Variants in PTPRD observed in about 807,000 individuals in gnomAD.
The protein encoded by PTPRD is protein tyrosine phosphatase receptor type D, also known as receptor-type tyrosine-protein phosphatase delta.
A neutral mutation model predicts 214.5 loss-of-function variants in PTPRD; 34 were observed. The observed-to-expected ratio is 0.16, with a 90% CI of 0.12 to 0.21. The LOEUF (loss-of-function observed/expected upper bound fraction) is 0.21. PTPRD is among the 10% of genes least tolerant of loss of function. PTPRD has a pLI of 1.00. For missense variants in PTPRD, 2,545 were observed against 2,398.7 expected, an observed-to-expected ratio of 1.06 and a Z score of -1.27; for synonymous variants, 1,128 against 845.7, an observed-to-expected ratio of 1.33 and a Z score of -5.79.
chr9:8,500,383 T>G (rs368857971), intron 24 of PTPRD, among the ~76,000 whole-genome samples: 2 of 147,596 alleles, frequency 1.4e-5, no homozygotes, highest in Admixed American at 6.7e-5. Context: ...AACAAAAAGG[T>G]AAGAAGGTAG....
intron 4 of PTPRD, among the ~76,000 whole-genome samples, chr9:9,946,458 T>C (rs926596330): frequency 6.6e-6 from 1 of 152,130 alleles, no homozygotes; most frequent in Non-Finnish European, 1.5e-5. Context: ...CTCTTCAAAG[T>C]AGCTGCAAAA....
chr9:9,768,900 A>C (rs1465932317), intron 5 of PTPRD, among the ~76,000 whole-genome samples: 1 of 152,218 alleles, frequency 6.6e-6, no homozygotes, highest in Non-Finnish European at 1.5e-5. Flanking sequence ...AGTTTGTAAC[A>C]TGCACATCTC....
At chr9:8,623,062 G>T (rs1211772400) in intron 14 of PTPRD, among the ~76,000 whole-genome samples, 2 of 151,870 alleles carry the variant, frequency 1.3e-5, no homozygotes, top group Non-Finnish European at 2.9e-5. Context: ...CAGGTGGGAA[G>T]ATCCCTTGAA....
intron 2 of PTPRD, among the ~76,000 whole-genome samples, chr9:10,429,068 A>G (rs1272183094): frequency 2.6e-5 from 4 of 152,110 alleles, no homozygotes; most frequent in Non-Finnish European, 4.4e-5. Flanking sequence ...GATGATAAAA[A>G]TTTAAATTTA....
chr9:9,231,104 G>T (rs1014179598), intron 9 of PTPRD, among the ~76,000 whole-genome samples: 1 of 152,022 alleles, frequency 6.6e-6, no homozygotes, highest in Non-Finnish European at 1.5e-5. Flanking sequence ...GAGTTAAAAT[G>T]CCCGATTTTC....
chr9:9,273,929 T>A (rs558198881), intron 9 of PTPRD, among the ~76,000 whole-genome samples: 31 of 151,454 alleles, frequency 2.0e-4, no homozygotes, highest in African/African-American at 7.5e-4. Context: ...TTCATAGACT[T>A]CAATATGATA....
rs182751859 is a variant in PTPRD at position 9,769,024 on chromosome 9, G to T, written c.-367-2173C>A. Among the ~76,000 whole-genome samples the T allele has an allele frequency of 5.6e-4, 85 of 152,248 alleles. No individual in the cohort carries two copies. The South Asian group carries it at 6.8e-3, about 12-fold the overall frequency. ...GAATAAGTTATAGAACGAAGGAAAGGAGGAGGCATATTTACTATTTAAGAT... is the reference window on the plus strand; with the variant it reads ...GAATAAGTTATAGAACGAAGGAAAGTAGGAGGCATATTTACTATTTAAGAT... On this transcript the variant is annotated intron_variant, in intron 5 of 45. Transcript: ENST00000381196.
At chr9:10,134,542 T>A (rs2098928058) in intron 3 of PTPRD, among the ~76,000 whole-genome samples, 1 of 151,846 alleles carries the variant, frequency 6.6e-6, no homozygotes, top group African/African-American at 2.4e-5. Context: ...ACCAAAACCA[T>A]TTTTTTTCCA....
intron 2 of PTPRD, among the ~76,000 whole-genome samples, chr9:10,518,929 A>G (rs2051139854): frequency 6.6e-6 from 1 of 152,036 alleles, no homozygotes; most frequent in African/African-American, 2.4e-5. Context: ...AAGATAATGA[A>G]CAGGGCAAGA....
At chr9:9,320,417 C>A (rs1331267364) in intron 9 of PTPRD, among the ~76,000 whole-genome samples, 1 of 152,084 alleles carries the variant, frequency 6.6e-6, no homozygotes, top group Non-Finnish European at 1.5e-5. Flanking sequence ...TGAAAATCCT[C>A]ATTTTAGAAA....
At chr9:9,275,446 C>A (rs989168466) in intron 9 of PTPRD, among the ~76,000 whole-genome samples, 26 of 150,408 alleles carry the variant, frequency 1.7e-4, no homozygotes, top group Non-Finnish European at 3.4e-4. Flanking sequence ...GAAAATATCT[C>A]TGGACCCACC....
intron 11 of PTPRD, among the ~76,000 whole-genome samples, chr9:8,992,804 T>A (rs1237994809): frequency 6.6e-6 from 1 of 152,138 alleles, no homozygotes; most frequent in Non-Finnish European, 1.5e-5. Context: ...ACGCCTTAAG[T>A]GAAACTTAAG....
intron 3 of PTPRD, among the ~76,000 whole-genome samples, chr9:10,043,956 T>G (rs1300058784): frequency 6.6e-6 from 1 of 151,884 alleles, no homozygotes; most frequent in Non-Finnish European, 1.5e-5. Flanking sequence ...CTGGCTATTT[T>G]TTATTATTTG....
chr9:8,782,115 A>G (rs1006418384), intron 11 of PTPRD, among the ~76,000 whole-genome samples: 2 of 99,122 alleles, frequency 2.0e-5, no homozygotes, highest in Non-Finnish European at 4.4e-5. Flanking sequence ...CATAATGTTT[A>G]TGGTATAAAA....
intron 3 of PTPRD, among the ~76,000 whole-genome samples, chr9:10,230,781 G>A (rs1309677018): frequency 6.6e-6 from 1 of 152,066 alleles, no homozygotes; most frequent in Non-Finnish European, 1.5e-5. Context: ...GAAGGTTTCA[G>A]TTCTCTACCA....
chr9:9,686,965 C>T (rs2097176568), intron 7 of PTPRD, among the ~76,000 whole-genome samples: 1 of 151,676 alleles, frequency 6.6e-6, no homozygotes, highest in South Asian at 2.1e-4. Context: ...ATTGTCCCTG[C>T]CTTGCCAAAG....
chr9:8,571,999 T>G (rs1441500471), intron 14 of PTPRD, among the ~76,000 whole-genome samples: 3 of 152,092 alleles, frequency 2.0e-5, no homozygotes, highest in African/African-American at 7.2e-5. Context: ...GCGGAAGTAA[T>G]GTGTACAGTG....
At chr9:10,235,055 A>G (rs895857796) in intron 3 of PTPRD, among the ~76,000 whole-genome samples, 2 of 151,920 alleles carry the variant, frequency 1.3e-5, no homozygotes, top group African/African-American at 4.8e-5. Flanking sequence ...TTAGAAGCTT[A>G]TCTTTCGTAT....
intron 9 of PTPRD, among the ~76,000 whole-genome samples, chr9:9,220,935 A>G (rs1008017842): frequency 2.6e-5 from 4 of 152,092 alleles, no homozygotes; most frequent in Non-Finnish European, 5.9e-5. Flanking sequence ...GTAGGAAAGT[A>G]GGGGGAGGCT....
Sources: gnomAD v4.1 joint callset for allele counts (sites outside exome capture counted in the v4.1 genomes callset) on GRCh38, gnomAD v4.1.1 for gene constraint, MANE v1.5 for transcripts, NCBI Gene and HGNC (gene_info 2026-07-23, HGNC 2026-07-21) for gene names.